The following DLG2 variants were observed in gnomAD, a reference collection of about 807,000 sequenced individuals.
The protein encoded by DLG2 is discs large MAGUK scaffold protein 2, also known as disks large homolog 2.
In DLG2, 45 loss-of-function variants were observed where a neutral mutation model predicts 132.5. That is an observed-to-expected ratio of 0.34 (90% confidence interval 0.27 to 0.44). DLG2 has a LOEUF of 0.44. Ranked by LOEUF, DLG2 falls within the 20% of genes least tolerant of loss-of-function variation. The pLI is 1.00. For missense variants in DLG2, 1,045 were observed against 1,196.9 expected (o/e 0.87, Z 1.87); for synonymous variants, 424 against 419.6 (o/e 1.01, Z -0.13).
intron 11 of DLG2, among the ~76,000 whole-genome samples, chr11:84,007,598 C>T (rs944883041): frequency 6.6e-6 from 1 of 151,508 alleles, no homozygotes; most frequent in Admixed American, 6.6e-5. Context: ...TTAATGACTG[C>T]TTAAAAGATA....
At chr11:84,777,113 T>A (rs1478689684) in intron 6 of DLG2, among the ~76,000 whole-genome samples, 2 of 151,644 alleles carry the variant, frequency 1.3e-5, no homozygotes, top group African/African-American at 2.4e-5. Flanking sequence ...TACACTTTTT[T>A]AAGCACCCAT....
rs145277917 is a variant in DLG2, at chr11:85,506,557, T to C, written c.40+92100A>G. 1.6e-3 allele frequency among the ~76,000 whole-genome samples: 246 copies of C among 152,350 alleles called. 1 individual carries two copies. Among genetic ancestry groups the C allele is most frequent in the African/African-American group, 5.7e-3 (235 of 41,582 alleles). On this transcript the variant is annotated intron_variant, in intron 3 of 27. Coordinates refer to ENST00000376104, the MANE Select transcript of DLG2 (RefSeq NM_001142699.3). Reference sequence around the variant, plus strand: ...TAAGTTTCTTAATCCTGAGTTCTAATGTGATTGCACTGTGGTCTGAGAGAC... The same window carrying C: ...TAAGTTTCTTAATCCTGAGTTCTAACGTGATTGCACTGTGGTCTGAGAGAC...
chr11:84,482,816 T>C (rs1339263630), intron 7 of DLG2, among the ~76,000 whole-genome samples: 3 of 152,174 alleles, frequency 2.0e-5, no homozygotes, highest in Non-Finnish European at 4.4e-5. Context: ...AATAGGTGTT[T>C]TAAGACTGCT....
intron 7 of DLG2, among the ~76,000 whole-genome samples, chr11:84,337,539 T>C (rs1278495309): frequency 6.6e-6 from 1 of 152,244 alleles, no homozygotes; most frequent in East Asian, 1.9e-4. Context: ...CTACTTCTTA[T>C]TTTTAATCTG....
intron 6 of DLG2, among the ~76,000 whole-genome samples, chr11:84,720,067 G>T (rs756929738): frequency 6.6e-6 from 1 of 152,088 alleles, no homozygotes; most frequent in Non-Finnish European, 1.5e-5. Flanking sequence ...TGTAGCCTCT[G>T]TATGTTAGAG....
At chr11:84,759,297 G>A (rs2067291155) in intron 6 of DLG2, among the ~76,000 whole-genome samples, 1 of 152,136 alleles carries the variant, frequency 6.6e-6, no homozygotes, top group African/African-American at 2.4e-5. Flanking sequence ...TAGGCTAAAG[G>A]GGAAGAAAGA....
At chr11:84,070,238 C>T (rs1480917518) in intron 10 of DLG2, among the ~76,000 whole-genome samples, 1 of 152,170 alleles carries the variant, frequency 6.6e-6, no homozygotes, top group African/African-American at 2.4e-5. Flanking sequence ...AAACCAACCC[C>T]CTTTTTATAC....
intron 14 of DLG2, among the ~76,000 whole-genome samples, chr11:83,931,424 C>A (rs1292302562): frequency 6.6e-6 from 1 of 152,136 alleles, no homozygotes; most frequent in Non-Finnish European, 1.5e-5. Flanking sequence ...GAGGGCTGAT[C>A]CAATTTTCTC....
chr11:84,387,877 T>C lies in DLG2; in HGVS notation c.520-136586A>G, dbSNP rs576348206. Among the ~76,000 whole-genome samples, 57 of 152,330 alleles carry C rather than the reference T, an allele frequency of 3.7e-4. 1 individual carries two copies. The South Asian group carries it at 0.011, about 30-fold the overall frequency. On this transcript the variant is annotated intron_variant, in intron 7 of 27. Coordinates refer to ENST00000376104, the MANE Select transcript of DLG2 (RefSeq NM_001142699.3). ...ACATTCTGATGAAGTGTCAATGTTA[T>C]GAGAAGGGCTGGCTAATATCTATGA... is the stretch of plus-strand genomic sequence containing the variant.
chr11:84,486,368 C>G (rs528208598), intron 7 of DLG2, among the ~76,000 whole-genome samples: 1 of 152,108 alleles, frequency 6.6e-6, no homozygotes, highest in African/African-American at 2.4e-5. Flanking sequence ...TGGAATAAAT[C>G]ATCATTTTTC....
intron 3 of DLG2, among the ~76,000 whole-genome samples, chr11:85,378,882 T>A (rs1252281532): frequency 6.6e-6 from 1 of 152,194 alleles, no homozygotes; most frequent in African/African-American, 2.4e-5. Context: ...AAAATTATAC[T>A]TTAGGTATTC....
intron 18 of DLG2, among the ~76,000 whole-genome samples, chr11:83,673,837 G>A (rs1224307738): frequency 2.6e-5 from 4 of 152,192 alleles, no homozygotes; most frequent in Non-Finnish European, 5.9e-5. Flanking sequence ...AACAAATGGA[G>A]AATTTTGTTA....
At chr11:83,601,510 C>CTTTT (rs71066054) in intron 19 of DLG2, among the ~76,000 whole-genome samples, 1,328 of 94,404 alleles carry the variant, frequency 0.014, 199 homozygotes, top group African/African-American at 0.046. Context: ...ATGTGATGTT[C>CTTTT]TTTTTTTTTT....
chr11:84,201,464 A>G (rs2096592041), intron 8 of DLG2, among the ~76,000 whole-genome samples: 1 of 152,110 alleles, frequency 6.6e-6, no homozygotes, highest in Non-Finnish European at 1.5e-5. Context: ...GCCTCATAGA[A>G]TGAGTTAGGG....
chr11:84,121,124 G>A (rs907419546), intron 9 of DLG2, among the ~76,000 whole-genome samples: 2 of 152,060 alleles, frequency 1.3e-5, no homozygotes, highest in Admixed American at 1.3e-4. Flanking sequence ...GATATATACG[G>A]TGAACAAAAC....
intron 3 of DLG2, chr11:85,524,877 G>A (rs549311296): frequency 6.6e-6 from 1 of 152,108 alleles, no homozygotes; most frequent in African/African-American, 2.4e-5. Flanking sequence ...ATTGTTTCAG[G>A]GTGGACACAA....
In DLG2 at chr11:83,851,648, G is replaced by A. The variant is rs1173487684; in HGVS notation, c.1566-17878C>T. Among the ~76,000 whole-genome samples the A allele has an allele frequency of 2.6e-5, 4 of 151,308 alleles. No individual in the cohort carries two copies. The East Asian group carries it at 7.8e-4, about 29-fold the overall frequency. ...GTCTCAAAAAAAAAAAAGGCGGGGC[G>A]TGGTGGCTCTTGCCTGTAATCCCAG... is the stretch of plus-strand genomic sequence containing the variant. On this transcript the variant is annotated intron_variant, in intron 16 of 27. Transcript: ENST00000376104.
intron 6 of DLG2, among the ~76,000 whole-genome samples, chr11:84,903,436 A>G (rs1301924961): frequency 6.6e-6 from 1 of 152,126 alleles, no homozygotes; most frequent in Non-Finnish European, 1.5e-5. Context: ...CCTATAGAGT[A>G]TGCTTACATC....
intron 8 of DLG2, among the ~76,000 whole-genome samples, chr11:84,207,418 A>T (rs1057175402): frequency 6.6e-6 from 1 of 152,114 alleles, no homozygotes; most frequent in Non-Finnish European, 1.5e-5. Flanking sequence ...TTACTAAGAC[A>T]GTATGGTATT....
Sources: allele counts gnomAD v4.1 joint callset (sites outside exome capture counted in the v4.1 genomes callset), GRCh38; gene constraint gnomAD v4.1.1; transcripts MANE v1.5; gene names NCBI Gene and HGNC (gene_info 2026-07-23, HGNC 2026-07-21).